IGF1R: variants seen among roughly 807,000 people sequenced by gnomAD.
The protein encoded by IGF1R is insulin-like growth factor 1 receptor.
In IGF1R, 44 loss-of-function variants were observed where a neutral mutation model predicts 144.6. The ratio of observed to expected loss-of-function variants is 0.30; its 90% CI spans 0.24 to 0.39. IGF1R has a LOEUF of 0.39. Among genes scored for constraint, IGF1R ranks in the 10% least tolerant of loss-of-function variants. The pLI is 1.00. For synonymous variants in IGF1R, 795 were observed against 722.8 expected (o/e 1.10, Z -1.60); for missense variants, 1,355 against 1,833.7 (o/e 0.74, Z 4.77).
chr15:98,835,075 C>T (rs970858775), intron 2 of IGF1R, among the ~76,000 whole-genome samples: 3 of 79,480 alleles, frequency 3.8e-5, no homozygotes, highest in East Asian at 8.8e-4. Context: ...AGAGAACACC[C>T]CCCCTACACA....
chr15:98,674,696 T>G (rs894746411), intron 1 of IGF1R, among the ~76,000 whole-genome samples: 6 of 152,294 alleles, frequency 3.9e-5, no homozygotes, highest in Non-Finnish European at 8.8e-5. Context: ...GAGAAGAAAA[T>G]TAGAAAATAA....
chr15:98,649,806 C>T lies in IGF1R; in HGVS notation c.94+131C>T, dbSNP rs1465304278. 7.5e-6 allele frequency: 5 copies of T among 662,410 alleles called. No homozygotes were observed. The Admixed American group carries it at 1.1e-4, about 14-fold the overall frequency. 41.0% of individuals were successfully genotyped at this position (662,410 alleles called of 1,614,324 possible). A position where few individuals can be genotyped will look rare whatever the true frequency, so the allele number is the denominator to read the frequency against. On this transcript the variant is annotated intron_variant, in intron 1 of 20. Coordinates refer to ENST00000650285, the MANE Select transcript of IGF1R (RefSeq NM_000875.5). ...CGGGCTCGGGAGCGGCGGGGTGGGG[C>T]GCAGGGCGGCTCTGCCGGGAGGGAG...
At chr15:98,938,799 C>G (rs2016254489) in intron 17 of IGF1R, among the ~76,000 whole-genome samples, 1 of 152,212 alleles carries the variant, frequency 6.6e-6, no homozygotes, top group East Asian at 1.9e-4. Context: ...GTAACGTGCT[C>G]TCCTTCCTCT....
chr15:98,648,955 T>G lies in IGF1R; in HGVS notation c.-627T>G. On this transcript the variant is annotated 5_prime_UTR_variant, in exon 1 of 21. Transcript: ENST00000650285. ...GCGGCGCGGCCGGCCCGCCGCTTTG[T>G]GTGTGTCCTGGATTTGGGAAGGAGC... 5.3e-6 allele frequency: 1 copy of G among 189,958 alleles called. No individual in the cohort carries two copies. The highest frequency in any genetic ancestry group is 1.1e-5 in the Non-Finnish European group (1 of 92,302). 11.8% of individuals were successfully genotyped at this position (189,958 alleles called of 1,614,324 possible). A position where few individuals can be genotyped will look rare whatever the true frequency, so the allele number is the denominator to read the frequency against.
intron 5 of IGF1R, among the ~76,000 whole-genome samples, chr15:98,904,880 T>A (rs929380630): frequency 2.6e-5 from 4 of 152,222 alleles, no homozygotes; most frequent in Admixed American, 6.5e-5. Context: ...CAGGGGACTT[T>A]CACACTTCAG....
intron 2 of IGF1R, among the ~76,000 whole-genome samples, chr15:98,735,725 C>T (rs1034212133): frequency 6.6e-6 from 1 of 152,214 alleles, no homozygotes; most frequent in African/African-American, 2.4e-5. Flanking sequence ...GATGTGTGAT[C>T]GCATTGGAGC....
At chr15:98,700,406 T>C (rs558081167) in intron 1 of IGF1R, among the ~76,000 whole-genome samples, 1 of 151,864 alleles carries the variant, frequency 6.6e-6, no homozygotes, top group Non-Finnish European at 1.5e-5. Flanking sequence ...GTAGGGAGGG[T>C]AGTGACAGGT....
At chr15:98,896,497 G>A (rs2014204890) in intron 3 of IGF1R, among the ~76,000 whole-genome samples, 1 of 152,086 alleles carries the variant, frequency 6.6e-6, no homozygotes, top group Non-Finnish European at 1.5e-5. Flanking sequence ...ATGCCTTGAG[G>A]ATGCAGCATG....
chr15:98,957,500 G>C lies in IGF1R; in HGVS notation c.*58G>C, dbSNP rs1029860673. ...GTGTGCGCACGCGCAGCGGGGTGGG[G>C]GGGGAGAGAGAGTTTTAACAATCCA... On this transcript the variant is annotated 3_prime_UTR_variant, in exon 21 of 21. Coordinates refer to ENST00000650285, the MANE Select transcript of IGF1R (RefSeq NM_000875.5). The C allele has an allele frequency of 1.7e-5, 27 of 1,606,562 alleles. No homozygotes were observed. The highest frequency in any genetic ancestry group is 1.0e-4 in the Admixed American group (6 of 59,956).
chr15:98,953,516 G>T (rs1274238727), intron 20 of IGF1R, among the ~76,000 whole-genome samples: 3 of 152,170 alleles, frequency 2.0e-5, no homozygotes, highest in Non-Finnish European at 2.9e-5. Context: ...TCACACAGAT[G>T]AGCCAGGAGT....
chr15:98,926,652 T>C (rs1368793452), intron 13 of IGF1R, among the ~76,000 whole-genome samples: 1 of 152,198 alleles, frequency 6.6e-6, no homozygotes, highest in Non-Finnish European at 1.5e-5. Context: ...TCTAATCTGT[T>C]TGTGATATCT....
intron 1 of IGF1R, among the ~76,000 whole-genome samples, chr15:98,682,358 C>T (rs1313246881): frequency 2.0e-5 from 3 of 152,122 alleles, no homozygotes; most frequent in Admixed American, 6.5e-5. Context: ...CCGTGGAGAC[C>T]GACCTTCACA....
intron 1 of IGF1R, among the ~76,000 whole-genome samples, chr15:98,657,822 G>A (rs1183838228): frequency 6.6e-6 from 1 of 152,222 alleles, no homozygotes; most frequent in Admixed American, 6.5e-5. Context: ...TCTGCAGCCT[G>A]TCCTTTTCTG....
At chr15:98,952,790 C>T (rs929161389) in intron 20 of IGF1R, 2 of 152,160 alleles carry the variant, frequency 1.3e-5, no homozygotes, top group Admixed American at 1.3e-4. Flanking sequence ...TTACTCAGAG[C>T]GGTTACTCTG....
In IGF1R at chr15:98,765,308, C is replaced by CTTTTTTTTT. The variant is rs139280569; in HGVS notation, c.640+57221_640+57229dup. Among the ~76,000 whole-genome samples the CTTTTTTTTT allele has an allele frequency of 1.5e-4, 9 of 61,820 alleles. 2 individuals carry two copies. The highest frequency in any genetic ancestry group is 6.0e-4 in the African/African-American group (9 of 15,020). 40.6% of individuals were successfully genotyped at this position (61,820 alleles called of 152,430 possible). A position where few individuals can be genotyped will look rare whatever the true frequency, so the allele number is the denominator to read the frequency against. On this transcript the variant is annotated intron_variant, in intron 2 of 20. Transcript: ENST00000650285. ...TCTCACCCAATGATCATGCCAACAC[C>CTTTTTTTTT]TTTTTTTTTTTTTTTTTTTTTTTTT...
At chr15:98,757,423 C>G in intron 2 of IGF1R, among the ~76,000 whole-genome samples, 1 of 152,196 alleles carries the variant, frequency 6.6e-6, no homozygotes, top group Middle Eastern at 3.2e-3. Context: ...CTTGGCCTCC[C>G]AAAGTGCTGG....
intron 2 of IGF1R, among the ~76,000 whole-genome samples, chr15:98,861,239 C>T (rs1474512878): frequency 1.3e-5 from 2 of 152,198 alleles, no homozygotes; most frequent in African/African-American, 4.8e-5. Flanking sequence ...ACACCTAGTT[C>T]AATGACATAG....
intron 2 of IGF1R, among the ~76,000 whole-genome samples, chr15:98,713,170 T>G (rs1471567430): frequency 2.0e-5 from 3 of 152,018 alleles, no homozygotes; most frequent in African/African-American, 7.3e-5. Flanking sequence ...ATGTAAAGGC[T>G]CTGCAGATTT....
rs1300084752 is a variant in IGF1R, at chr15:98,891,594, A to G, written c.910A>G (p.Met304Val). 2 of 1,604,114 alleles carry G rather than the reference A, an allele frequency of 1.2e-6. No individual in the cohort carries two copies. The highest frequency in any genetic ancestry group is 1.7e-6 in the Non-Finnish European group (2 of 1,179,968). The change falls in exon 3 of 21, where the codon ATG becomes GTG. Residue 304 changes from methionine to valine, a missense_variant. Met to Val is a conservative substitution (Grantham distance 21). Around this residue, in one of 7 missense-constraint regions of IGF1R, gnomAD observed 880 missense variants for 1,202.7 expected, o/e 0.73. Transcript: ENST00000650285. This position sits in a 1 kb window ranked among gnomAD's most constrained non-coding sequence, Gnocchi z 4.7. Reference protein sequence around the residue: ...EGFVIHDGECMQECPSGFIRN... With the variant: ...EGFVIHDGECVQECPSGFIRN... ...GTTTGTGATCCACGACGGCGAGTGC[A>G]TGCAGGAGTGCCCCTCGGGCTTCAT... is the stretch of plus-strand genomic sequence containing the variant.
Sources: gnomAD v4.1 joint callset for allele counts (sites outside exome capture counted in the v4.1 genomes callset) on GRCh38, gnomAD v4.1.1 for gene constraint, gnomAD v4.1.1 regional missense constraint, Gnocchi (gnomAD v3.1) non-coding constraint, MANE v1.5 for transcripts, NCBI Gene and HGNC (gene_info 2026-07-23, HGNC 2026-07-21) for gene names.